TASP1: variants seen among roughly 807,000 people sequenced by gnomAD.
TASP1 encodes the protein taspase 1, also known as threonine aspartase 1.
A neutral mutation model predicts 56.6 loss-of-function variants in TASP1; 16 were observed. The observed-to-expected ratio is 0.28, with a 90% confidence interval of 0.19 to 0.43. TASP1 has a LOEUF of 0.43. TASP1 is among the 20% of genes least tolerant of loss of function. TASP1 has a pLI of 1.00. For synonymous variants in TASP1, 179 were observed against 184.2 expected (o/e 0.97, Z 0.23); for missense variants, 393 against 511.6 (o/e 0.77, Z 2.24).
the TASP1 span, among the ~76,000 whole-genome samples, chr20:13,280,285 C>T: frequency 2.6e-5 from 4 of 151,148 alleles, no homozygotes; most frequent in African/African-American, 9.7e-5. Flanking sequence ...AAAAGAGATA[C>T]GTACGGCTGC....
the TASP1 span, among the ~76,000 whole-genome samples, chr20:13,177,774 A>C: frequency 6.6e-6 from 1 of 152,198 alleles, no homozygotes; most frequent in Non-Finnish European, 1.5e-5. Context: ...GAATTAATGA[A>C]AGACCTAAAT....
intron 8 of TASP1, among the ~76,000 whole-genome samples, chr20:13,535,032 C>T (rs74886820): frequency 6.6e-6 from 1 of 152,082 alleles, no homozygotes; most frequent in Admixed American, 6.6e-5. Context: ...GGTTTTCAAA[C>T]CTTGCCCTAC....
chr20:13,428,065 A>G (rs934474634), intron 12 of TASP1, among the ~76,000 whole-genome samples: 1 of 152,210 alleles, frequency 6.6e-6, no homozygotes, highest in African/African-American at 2.4e-5. Context: ...CTGGTTAAAC[A>G]CACAGCCTCT....
At chr20:13,633,988 C>T (rs2147618977) in intron 1 of TASP1, among the ~76,000 whole-genome samples, 1 of 152,252 alleles carries the variant, frequency 6.6e-6, no homozygotes, top group South Asian at 2.1e-4. Context: ...TCCTCTGCAA[C>T]TGTTGCTCAA....
intron 4 of TASP1, among the ~76,000 whole-genome samples, chr20:13,621,436 T>A (rs2048713352): frequency 6.6e-6 from 1 of 151,948 alleles, no homozygotes; most frequent in Non-Finnish European, 1.5e-5. Context: ...ATCTCAAAAA[T>A]ATATATATAA....
At chr20:13,539,485 G>C (rs1412093565) in intron 8 of TASP1, among the ~76,000 whole-genome samples, 1 of 152,122 alleles carries the variant, frequency 6.6e-6, no homozygotes, top group Non-Finnish European at 1.5e-5. Context: ...AGGAGTGCAA[G>C]GCTATAGTGA....
intron 7 of TASP1, among the ~76,000 whole-genome samples, chr20:13,560,193 G>T (rs959000191): frequency 2.6e-5 from 4 of 152,162 alleles, no homozygotes; most frequent in African/African-American, 9.6e-5. Context: ...CAAAGTTATT[G>T]AAGTTTTCTG....
At chr20:13,171,702 C>T in the TASP1 span, among the ~76,000 whole-genome samples, 2 of 152,078 alleles carry the variant, frequency 1.3e-5, no homozygotes, top group African/African-American at 4.8e-5. Context: ...TGACATCAGT[C>T]AACATGGCTC....
At chr20:13,403,191 T>A (rs1166120816) in intron 13 of TASP1, among the ~76,000 whole-genome samples, 1 of 146,216 alleles carries the variant, frequency 6.8e-6, no homozygotes, top group East Asian at 1.9e-4. Flanking sequence ...ACCAGCTGGC[T>A]TATTAACTTA....
At chr20:13,534,682 T>C (rs2045348917) in intron 8 of TASP1, among the ~76,000 whole-genome samples, 1 of 152,212 alleles carries the variant, frequency 6.6e-6, no homozygotes, top group South Asian at 2.1e-4. Flanking sequence ...AGAAAATTTA[T>C]GGCAAGCTCC....
At chr20:13,597,182 T>C (rs6042233) in intron 4 of TASP1, among the ~76,000 whole-genome samples, 4,324 of 152,316 alleles carry the variant, frequency 0.028, 217 homozygotes, top group African/African-American at 0.096. Context: ...ACTCATTTTA[T>C]GAGGCCAGCA....
intron 12 of TASP1, among the ~76,000 whole-genome samples, chr20:13,422,656 C>T (rs907736872): frequency 2.0e-5 from 3 of 152,162 alleles, no homozygotes; most frequent in African/African-American, 7.2e-5. Flanking sequence ...CCAGACAGCA[C>T]TTCAGTACTA....
At chr20:13,535,082 T>C (rs971043137) in intron 8 of TASP1, among the ~76,000 whole-genome samples, 1 of 152,142 alleles carries the variant, frequency 6.6e-6, no homozygotes, top group South Asian at 2.1e-4. Context: ...CCAGTATGCA[T>C]GTAAGAGCCA....
chr20:13,266,102 A>C, the TASP1 span, among the ~76,000 whole-genome samples: 1 of 152,154 alleles, frequency 6.6e-6, no homozygotes, highest in African/African-American at 2.4e-5. Flanking sequence ...CTTACTCCTC[A>C]TGGGGCAGAA....
At chr20:13,276,487 C>G in the TASP1 span, among the ~76,000 whole-genome samples, 3 of 152,194 alleles carry the variant, frequency 2.0e-5, no homozygotes, top group Non-Finnish European at 4.4e-5. Context: ...CTTTTGGACT[C>G]TCTTTCTTGG....
At chr20:13,255,904 A>C in the TASP1 span, among the ~76,000 whole-genome samples, 1 of 146,028 alleles carries the variant, frequency 6.8e-6, no homozygotes, top group African/African-American at 2.6e-5. Flanking sequence ...CATTCAGAGG[A>C]TATTTAGTAA....
chr20:13,464,620 G>A (rs1270494616), intron 11 of TASP1, among the ~76,000 whole-genome samples: 1 of 152,082 alleles, frequency 6.6e-6, no homozygotes, highest in Non-Finnish European at 1.5e-5. Flanking sequence ...GAACCTTAAG[G>A]ACATTATTCT....
chr20:13,534,198 T>C, intron 8 of TASP1, 57 bp from the exon 9 acceptor site: 3 of 1,599,896 alleles, frequency 1.9e-6, no homozygotes, highest in Non-Finnish European at 1.7e-6. Flanking sequence ...CAATCTGATA[T>C]GACTACATAG....
chr20:13,242,719 G>A, the TASP1 span, among the ~76,000 whole-genome samples: 46 of 152,250 alleles, frequency 3.0e-4, no homozygotes, highest in African/African-American at 1.1e-3. Context: ...ATTAAGGTTG[G>A]TATAAAAGCA....
Sources: allele counts gnomAD v4.1 joint callset (sites outside exome capture counted in the v4.1 genomes callset), GRCh38; gene constraint gnomAD v4.1.1; transcripts MANE v1.5; gene names NCBI Gene and HGNC (gene_info 2026-07-23, HGNC 2026-07-21).